MNAT1: variants seen among roughly 807,000 people sequenced by gnomAD.
MNAT1 encodes MNAT1 component of CDK activating kinase.
MNAT1 carries 43 observed loss-of-function variants against 42.0 expected under a neutral mutation model. The ratio of observed to expected loss-of-function variants is 1.02; its 90% CI spans 0.80 to 1.32. The LOEUF (loss-of-function observed/expected upper bound fraction) is 1.32. Ranked by LOEUF, MNAT1 falls within the 40% of genes most tolerant of loss-of-function variation. The pLI, the probability that MNAT1 is intolerant of heterozygous loss-of-function variation, is 0.00. For missense variants in MNAT1, 306 were observed against 350.4 expected, an observed-to-expected ratio of 0.87 and a Z score of 1.01; for synonymous variants, 118 against 120.0, an observed-to-expected ratio of 0.98 and a Z score of 0.11.
chr14:60,776,331 C>A (rs888605044), intron 1 of MNAT1, among the ~76,000 whole-genome samples: 1 of 152,024 alleles, frequency 6.6e-6, no homozygotes, highest in Admixed American at 6.6e-5. Context: ...TAGAAACAGA[C>A]AACCCAGCAG....
At chr14:60,821,814 G>T (rs1379497091) in intron 6 of MNAT1, among the ~76,000 whole-genome samples, 2 of 152,006 alleles carry the variant, frequency 1.3e-5, no homozygotes, top group African/African-American at 2.4e-5. Flanking sequence ...TTCTTGTGGG[G>T]ACTAAATATT....
chr14:60,750,438 G>A (rs1011930739), intron 1 of MNAT1, among the ~76,000 whole-genome samples: 1 of 150,770 alleles, frequency 6.6e-6, no homozygotes, highest in Non-Finnish European at 1.5e-5. Flanking sequence ...CACCATGTTA[G>A]CCAGGATCGT....
chr14:60,940,560 G>C (rs1038984199), intron 7 of MNAT1, among the ~76,000 whole-genome samples: 2 of 152,122 alleles, frequency 1.3e-5, no homozygotes, highest in African/African-American at 4.8e-5. Flanking sequence ...TGGGACTACA[G>C]GTGCCTGTCA....
At chr14:60,951,137 A>G (rs1435394274) in intron 7 of MNAT1, among the ~76,000 whole-genome samples, 1 of 152,184 alleles carries the variant, frequency 6.6e-6, no homozygotes, top group Non-Finnish European at 1.5e-5. Flanking sequence ...TAATATAATA[A>G]CATAATAATT....
chr14:60,838,216 G>A (rs2033447733), intron 6 of MNAT1, among the ~76,000 whole-genome samples: 2 of 151,866 alleles, frequency 1.3e-5, no homozygotes, highest in South Asian at 4.2e-4. Context: ...GCTCAATGCA[G>A]GTTCTACTTC....
chr14:60,752,087 A>C (rs947409064), intron 1 of MNAT1, among the ~76,000 whole-genome samples: 2 of 152,162 alleles, frequency 1.3e-5, no homozygotes, highest in Non-Finnish European at 2.9e-5. Flanking sequence ...CCTGGTGTTA[A>C]CTGACATGTT....
chr14:60,799,560 A>G (rs1234120099), intron 3 of MNAT1, among the ~76,000 whole-genome samples: 3 of 152,170 alleles, frequency 2.0e-5, no homozygotes, highest in Non-Finnish European at 4.4e-5. Context: ...CAAGTTGAAT[A>G]CATGGTCACA....
At chr14:60,753,814 A>G (rs2030209341) in intron 1 of MNAT1, 1 of 152,134 alleles carries the variant, frequency 6.6e-6, no homozygotes, top group Non-Finnish European at 1.5e-5. Context: ...TTTGTCTCCT[A>G]CTTTTTATGT....
chr14:60,764,249 T>C (rs2030722468), intron 1 of MNAT1, among the ~76,000 whole-genome samples: 1 of 152,224 alleles, frequency 6.6e-6, no homozygotes, highest in East Asian at 1.9e-4. Flanking sequence ...GCAATAATGT[T>C]GAAGCTCAAA....
chr14:60,961,119 T>C (rs540501092), intron 7 of MNAT1, among the ~76,000 whole-genome samples: 1 of 152,148 alleles, frequency 6.6e-6, no homozygotes. Flanking sequence ...TGCGCCTCTG[T>C]GTCCAGCTGA....
chr14:60,736,214 C>G (rs772056072), intron 1 of MNAT1, among the ~76,000 whole-genome samples: 81 of 151,738 alleles, frequency 5.3e-4, no homozygotes, highest in Non-Finnish European at 8.5e-4. Context: ...TGTAGATAGA[C>G]TGTTTTTAGA....
At chr14:60,896,923 T>C (rs2034970024) in intron 7 of MNAT1, among the ~76,000 whole-genome samples, 1 of 152,250 alleles carries the variant, frequency 6.6e-6, no homozygotes, top group African/African-American at 2.4e-5. Context: ...ATTTTATTTC[T>C]TTCATGTACT....
intron 6 of MNAT1, among the ~76,000 whole-genome samples, chr14:60,875,460 A>G (rs1257336886): frequency 6.6e-6 from 1 of 152,106 alleles, no homozygotes; most frequent in Non-Finnish European, 1.5e-5. Flanking sequence ...ACTGCCATTA[A>G]CTACAGTATG....
chr14:60,826,860 C>G (rs956800545), intron 6 of MNAT1, among the ~76,000 whole-genome samples: 1 of 151,950 alleles, frequency 6.6e-6, no homozygotes, highest in Non-Finnish European at 1.5e-5. Context: ...TTAGTTGAAC[C>G]AGTGAACAGA....
At chr14:60,959,965 G>A (rs1042022371) in intron 7 of MNAT1, among the ~76,000 whole-genome samples, 55 of 125,894 alleles carry the variant, frequency 4.4e-4, no homozygotes, top group African/African-American at 1.4e-3. Context: ...AGAGTCAGTC[G>A]TATTGATGCA....
chr14:60,871,307 A>T (rs1005131961), intron 6 of MNAT1, among the ~76,000 whole-genome samples: 4 of 152,168 alleles, frequency 2.6e-5, no homozygotes, highest in Admixed American at 6.5e-5. Flanking sequence ...GATACTTATA[A>T]GTGGAATTAA....
chr14:60,926,864 T>G (rs896836003), intron 7 of MNAT1, among the ~76,000 whole-genome samples: 2 of 152,096 alleles, frequency 1.3e-5, no homozygotes, highest in African/African-American at 2.4e-5. Context: ...TGGTTCCCCT[T>G]GTGAACCAAC....
chr14:60,888,217 G>A (rs1264464500), intron 7 of MNAT1, among the ~76,000 whole-genome samples: 64 of 145,844 alleles, frequency 4.4e-4, no homozygotes, highest in African/African-American at 1.5e-3. Context: ...TTGGCAAACC[G>A]AATCCAGCAG....
chr14:60,783,265 A>G (rs1187808556), intron 1 of MNAT1, among the ~76,000 whole-genome samples: 2 of 152,172 alleles, frequency 1.3e-5, no homozygotes, highest in Non-Finnish European at 2.9e-5. Flanking sequence ...CAGTTGGTAG[A>G]GAGATCCCCA....
Sources: allele counts gnomAD v4.1 joint callset (sites outside exome capture counted in the v4.1 genomes callset), GRCh38; gene constraint gnomAD v4.1.1; transcripts MANE v1.5; gene names NCBI Gene and HGNC (gene_info 2026-07-23, HGNC 2026-07-21).